ETS1: variants seen among roughly 807,000 people sequenced by gnomAD.
ETS1 encodes the protein protein C-ets-1.
Under a neutral mutation model 58.6 loss-of-function variants are expected in ETS1, and 15 were observed. The observed-to-expected ratio is 0.26, with a 90% CI of 0.17 to 0.39. The LOEUF (loss-of-function observed/expected upper bound fraction) is 0.39. Ranked by LOEUF, ETS1 falls within the 10% of genes least tolerant of loss-of-function variation. The probability of loss-of-function intolerance (pLI) is 1.00; values close to 1 mark genes in which losing one functional copy is unlikely to be tolerated. For missense variants in ETS1, 417 were observed against 610.5 expected (o/e 0.68, Z 3.34); for synonymous variants, 214 against 218.2 (o/e 0.98, Z 0.17).
At chr11:128,513,130 C>T (rs1863434541) in intron 3 of ETS1, among the ~76,000 whole-genome samples, 1 of 152,222 alleles carries the variant, frequency 6.6e-6, no homozygotes, top group Non-Finnish European at 1.5e-5. Context: ...ATCTCTGTTT[C>T]TCTGTGGAAG....
intron 1 of ETS1, among the ~76,000 whole-genome samples, chr11:128,586,996 T>G (rs557992451): frequency 1.3e-5 from 2 of 152,274 alleles, no homozygotes; most frequent in Non-Finnish European, 2.9e-5. Context: ...CCAAACAGGC[T>G]AGTTTGGCTA....
At chr11:128,534,181 A>C (rs1863939425) in intron 3 of ETS1, among the ~76,000 whole-genome samples, 1 of 152,244 alleles carries the variant, frequency 6.6e-6, no homozygotes, top group Admixed American at 6.5e-5. Context: ...AACTCTGCTT[A>C]ATAGTTCTAG....
At chr11:128,557,813 C>A (rs1591661150) in intron 2 of ETS1, among the ~76,000 whole-genome samples, 6 of 152,152 alleles carry the variant, frequency 3.9e-5, no homozygotes, top group Non-Finnish European at 8.8e-5. Context: ...GTATTCTCAC[C>A]CCTGAAGACT....
At chr11:128,576,508 C>T (rs74666753) in intron 1 of ETS1, among the ~76,000 whole-genome samples, 1 of 152,050 alleles carries the variant, frequency 6.6e-6, no homozygotes, top group African/African-American at 2.4e-5. Context: ...TACTCCCCAG[C>T]GAAGAAGCAT....
intron 4 of ETS1, among the ~76,000 whole-genome samples, chr11:128,489,943 T>C (rs1212757522): frequency 6.6e-6 from 1 of 152,208 alleles, no homozygotes; most frequent in Non-Finnish European, 1.5e-5. Context: ...TAGCCAATTA[T>C]AGTGGTAACA....
intron 2 of ETS1, among the ~76,000 whole-genome samples, chr11:128,568,350 G>C: frequency 6.6e-6 from 1 of 152,238 alleles, no homozygotes; most frequent in East Asian, 1.9e-4. Context: ...GTGCTGTGAA[G>C]GGGAGAATGA....
Position 128,490,511 on chromosome 11 carries a change from T to C in ETS1, c.280A>G (p.Lys94Glu). 6.2e-7 allele frequency: 1 copy of C among 1,613,538 alleles called. No individual in the cohort carries two copies. The highest frequency in any genetic ancestry group is 8.5e-7 in the Non-Finnish European group (1 of 1,179,432). ...SSKEMMSQAL[K>E]ATFSGFTKEQ... is the part of the protein sequence containing the mutation. The stretch of plus-strand genomic sequence containing the variant: ...TTAGTGAAACCACTGAAAGTAGCTT[T>C]TAATGCTTGAGACATCATTTCTTTG... Residue 94 changes from lysine to glutamate, a missense_variant, in exon 4 of 10, where the codon AAA becomes GAA. Transcript: ENST00000392668.
At chr11:128,545,022 T>TA (rs1864112082) in intron 3 of ETS1, among the ~76,000 whole-genome samples, 1 of 103,744 alleles carries the variant, frequency 9.6e-6, no homozygotes, top group South Asian at 3.0e-4. Flanking sequence ...TGGTTGGGGG[T>TA]GGGGGGGGCA....
chr11:128,539,631 C>G (rs145295226), intron 3 of ETS1, among the ~76,000 whole-genome samples: 2 of 152,248 alleles, frequency 1.3e-5, no homozygotes, highest in African/African-American at 4.8e-5. Flanking sequence ...AGAAATTCTA[C>G]CCCTGGAGAA....
chr11:128,582,370 G>A (rs1377038413), intron 1 of ETS1, among the ~76,000 whole-genome samples: 1 of 152,114 alleles, frequency 6.6e-6, no homozygotes, highest in Non-Finnish European at 1.5e-5. Context: ...CAAATACTTA[G>A]CAGCATGCTG....
At chr11:128,539,876 A>C (rs561600247) in intron 3 of ETS1, among the ~76,000 whole-genome samples, 1 of 152,258 alleles carries the variant, frequency 6.6e-6, no homozygotes, top group Non-Finnish European at 1.5e-5. Context: ...GTCACATATT[A>C]TATAACTCTA....
chr11:128,515,579 A>C (rs965063859), intron 3 of ETS1, among the ~76,000 whole-genome samples: 1 of 152,222 alleles, frequency 6.6e-6, no homozygotes, highest in Non-Finnish European at 1.5e-5. Flanking sequence ...AGTACGATTG[A>C]CCAAATTTAG....
At chr11:128,551,757 T>C (rs1457210457) in intron 3 of ETS1, among the ~76,000 whole-genome samples, 2 of 152,152 alleles carry the variant, frequency 1.3e-5, no homozygotes, top group African/African-American at 4.8e-5. Flanking sequence ...GAAACCCAGT[T>C]TGGACTCCCA....
intron 3 of ETS1, among the ~76,000 whole-genome samples, chr11:128,535,186 G>A (rs913094306): frequency 1.3e-5 from 2 of 152,206 alleles, no homozygotes; most frequent in African/African-American, 4.8e-5. Context: ...CAGTGATGTT[G>A]AGCTTTATGT....
chr11:128,510,441 AT>A (rs1326621628), intron 3 of ETS1, among the ~76,000 whole-genome samples: 3 of 152,204 alleles, frequency 2.0e-5, no homozygotes, highest in African/African-American at 4.8e-5. Context: ...ATGACCACCT[AT>A]GCCACCCTGC....
At chr11:128,465,060 C>A (rs1861998154) in intron 8 of ETS1, among the ~76,000 whole-genome samples, 1 of 152,144 alleles carries the variant, frequency 6.6e-6, no homozygotes, top group African/African-American at 2.4e-5. Flanking sequence ...CCAGGGCAAC[C>A]TCCAATGAAG....
chr11:128,510,649 T>A (rs1863368128), intron 3 of ETS1, among the ~76,000 whole-genome samples: 1 of 152,212 alleles, frequency 6.6e-6, no homozygotes, highest in Non-Finnish European at 1.5e-5. Flanking sequence ...TTGAAGTTAG[T>A]GCCCAGATTC....
At chr11:128,568,306 G>T (rs1298741590) in intron 2 of ETS1, among the ~76,000 whole-genome samples, 1 of 152,100 alleles carries the variant, frequency 6.6e-6, no homozygotes, top group Non-Finnish European at 1.5e-5. Flanking sequence ...AGCCCAGCCC[G>T]CTCATTCCCG....
rs143691684 is a variant in ETS1 at position 128,500,844 on chromosome 11, G to A, written c.215-10268C>T. ...TACTTGATGATGAGTGGTCATGAGG[G>A]GCAGGGCAGGACCTGAAGAACGACC... is the stretch of plus-strand genomic sequence containing the variant. On this transcript the variant is annotated intron_variant, in intron 3 of 9. Transcript: ENST00000392668. 2.2e-3 allele frequency among the ~76,000 whole-genome samples: 339 copies of A among 152,184 alleles called. 2 individuals are homozygous for A. The highest frequency in any genetic ancestry group is 3.4e-3 in the Middle Eastern group (1 of 294).
Sources: allele counts gnomAD v4.1 joint callset (sites outside exome capture counted in the v4.1 genomes callset), GRCh38; gene constraint gnomAD v4.1.1; transcripts MANE v1.5; gene names NCBI Gene and HGNC (gene_info 2026-07-23, HGNC 2026-07-21).